AKR1C8: variants seen among roughly 807,000 people sequenced by gnomAD.
AKR1C8 encodes aldo-keto reductase family 1 member C8.
the AKR1C8 span, chr10:5,159,945 G>T: frequency 2.0e-6 from 1 of 494,626 alleles, no homozygotes; most frequent in South Asian, 1.5e-5. Context: ...AGCAGCTTGT[G>T]ATTGAAATTG....
chr10:5,116,090 T>C, the AKR1C8 span, among the ~76,000 whole-genome samples: 1 of 152,152 alleles, frequency 6.6e-6, no homozygotes, highest in Non-Finnish European at 1.5e-5. Context: ...CTGTTGTAGT[T>C]TCCCATTGAC....
At chr10:5,118,000 GTTC>G in the AKR1C8 span, among the ~76,000 whole-genome samples, 1 of 152,094 alleles carries the variant, frequency 6.6e-6, no homozygotes, top group African/African-American at 2.4e-5. Context: ...ATAACCTCAT[GTTC>G]TTCTTACACG....
chr10:5,161,827 G>C, the AKR1C8 span: 5 of 534,606 alleles, frequency 9.4e-6, no homozygotes, highest in Admixed American at 7.8e-5. Context: ...AAACAGTCTT[G>C]GGCATAACAA....
the AKR1C8 span, among the ~76,000 whole-genome samples, chr10:5,184,032 T>C: frequency 2.0e-5 from 3 of 152,190 alleles, no homozygotes; most frequent in East Asian, 3.9e-4. Flanking sequence ...TTTGTGGACA[T>C]GTGGACCGTG....
At chr10:5,142,509 GA>G in the AKR1C8 span, among the ~76,000 whole-genome samples, 1 of 152,072 alleles carries the variant, frequency 6.6e-6, no homozygotes, top group African/African-American at 2.4e-5. Flanking sequence ...GTGCTTAAAT[GA>G]AAAATACGTT....
At chr10:5,123,685 G>C in the AKR1C8 span, 6 of 1,577,112 alleles carry the variant, frequency 3.8e-6, no homozygotes, top group Non-Finnish European at 5.2e-6. Flanking sequence ...TGGCATTTTA[G>C]GTAAACTTCC....
the AKR1C8 span, among the ~76,000 whole-genome samples, chr10:5,138,834 A>G: frequency 1.3e-5 from 2 of 152,292 alleles, no homozygotes; most frequent in East Asian, 1.9e-4. Flanking sequence ...GAAAGAAATA[A>G]AGAGTATTCA....
At chr10:5,165,702 T>A in the AKR1C8 span, among the ~76,000 whole-genome samples, 8 of 152,150 alleles carry the variant, frequency 5.3e-5, no homozygotes, top group African/African-American at 1.9e-4. Flanking sequence ...TCAATCAGTC[T>A]CATTCTCTAG....
the AKR1C8 span, among the ~76,000 whole-genome samples, chr10:5,128,433 C>G: frequency 6.6e-6 from 1 of 152,072 alleles, no homozygotes; most frequent in African/African-American, 2.4e-5. Flanking sequence ...TACCTCACAT[C>G]TGAATATTAA....
the AKR1C8 span, among the ~76,000 whole-genome samples, chr10:5,137,674 G>C: frequency 6.6e-6 from 1 of 151,998 alleles, no homozygotes; most frequent in Non-Finnish European, 1.5e-5. Flanking sequence ...CACAATATTG[G>C]GGCAACTTGC....
chr10:5,168,680 C>A, the AKR1C8 span, among the ~76,000 whole-genome samples: 5 of 151,998 alleles, frequency 3.3e-5, no homozygotes, highest in Admixed American at 1.3e-4. Context: ...CAAAGAGATT[C>A]AGAGATGAAA....
the AKR1C8 span, among the ~76,000 whole-genome samples, chr10:5,144,123 A>C: frequency 6.6e-6 from 1 of 152,148 alleles, no homozygotes; most frequent in African/African-American, 2.4e-5. Context: ...CCATTTATTA[A>C]ATAGGGAATC....
the AKR1C8 span, among the ~76,000 whole-genome samples, chr10:5,117,308 C>T: frequency 1.3e-5 from 2 of 152,030 alleles, no homozygotes; most frequent in Non-Finnish European, 2.9e-5. Context: ...GATAACAAGA[C>T]CTATTTGTAC....
At chr10:5,168,749 A>G in the AKR1C8 span, among the ~76,000 whole-genome samples, 1 of 152,094 alleles carries the variant, frequency 6.6e-6, no homozygotes, top group Non-Finnish European at 1.5e-5. Flanking sequence ...AGAGAATGAA[A>G]AAGATAAGAT....
chr10:5,142,640 C>G, the AKR1C8 span, among the ~76,000 whole-genome samples: 1 of 152,184 alleles, frequency 6.6e-6, no homozygotes, highest in East Asian at 1.9e-4. Flanking sequence ...ATAGGGGAAC[C>G]ACCTGTCACT....
chr10:5,158,217 G>A, the AKR1C8 span, among the ~76,000 whole-genome samples: 3 of 152,134 alleles, frequency 2.0e-5, no homozygotes, highest in Non-Finnish European at 2.9e-5. Flanking sequence ...GCAATGAGAA[G>A]TTATTGTCTC....
chr10:5,160,013 G>A, the AKR1C8 span: 12 of 365,010 alleles, frequency 3.3e-5, 2 homozygotes, highest in Admixed American at 2.6e-4. Context: ...GGCCTGGGGA[G>A]GAAGGATATG....
At chr10:5,148,731 T>A in the AKR1C8 span, among the ~76,000 whole-genome samples, 2 of 152,140 alleles carry the variant, frequency 1.3e-5, no homozygotes, top group African/African-American at 4.8e-5. Flanking sequence ...ATTACAGATA[T>A]CTGTTTGGAA....
the AKR1C8 span, among the ~76,000 whole-genome samples, chr10:5,131,238 A>G: frequency 2.0e-5 from 3 of 152,088 alleles, no homozygotes; most frequent in Admixed American, 2.0e-4. Flanking sequence ...AGAAGATAAC[A>G]TTGGAAAAAC....
Sources: allele counts gnomAD v4.1 joint callset (sites outside exome capture counted in the v4.1 genomes callset), GRCh38; gene constraint gnomAD v4.1.1; transcripts MANE v1.5; gene names NCBI Gene and HGNC (gene_info 2026-07-23, HGNC 2026-07-21).